The following PLXNA4 variants were observed in gnomAD, a reference collection of about 807,000 sequenced individuals.
The protein encoded by PLXNA4 is plexin A4.
In PLXNA4, 44 loss-of-function variants were observed where a neutral mutation model predicts 191.8. The ratio of observed to expected loss-of-function variants is 0.23; its 90% CI spans 0.18 to 0.29. PLXNA4 has a LOEUF of 0.29. PLXNA4 is among the 10% of genes least tolerant of loss of function. PLXNA4 has a pLI of 1.00. For synonymous variants in PLXNA4, 1,082 were observed against 1,009.5 expected (o/e 1.07, Z -1.36); for missense variants, 1,800 against 2,488.8 (o/e 0.72, Z 5.89).
At position 132,124,611 on chromosome 7, in the gene PLXNA4, G is replaced by C. The variant is rs1210349608; in HGVS notation, c.*5868C>G. 1 of 152,260 alleles carries C rather than the reference G, an allele frequency of 6.6e-6. No individual in the cohort carries two copies. The highest frequency in any genetic ancestry group is 2.4e-5 in the African/African-American group (1 of 41,474). The allele number at this position is 152,260 out of a possible 1,614,324, so 9.4% of individuals were successfully genotyped here. A position where few individuals can be genotyped will look rare whatever the true frequency, so the allele number is the denominator to read the frequency against. The stretch of plus-strand genomic sequence containing the variant: ...AAGTCTACTTGCTTTTGCAATCCTG[G>C]CGGAGGGAAAGCTTGGGTCTTCCCA... On this transcript the variant is annotated 3_prime_UTR_variant, in exon 32 of 32. Transcript: ENST00000321063.
chr7:132,301,796 T>C (rs1801315735), intron 3 of PLXNA4, among the ~76,000 whole-genome samples: 1 of 152,258 alleles, frequency 6.6e-6, no homozygotes, highest in Admixed American at 6.5e-5. Context: ...AATGATCCCT[T>C]ATATTTTTGC....
intron 5 of PLXNA4, among the ~76,000 whole-genome samples, chr7:132,234,779 G>C (rs1042156838): frequency 2.6e-5 from 4 of 152,120 alleles, no homozygotes; most frequent in African/African-American, 9.7e-5. Context: ...TTGGAACAGA[G>C]GCTGATAGCT....
intron 3 of PLXNA4, among the ~76,000 whole-genome samples, chr7:132,335,706 C>T (rs143227942): frequency 0.014 from 2,156 of 152,340 alleles, 28 homozygotes; most frequent in South Asian, 0.048. Flanking sequence ...CATGGCATCT[C>T]CATGCTCCTA....
At chr7:132,354,578 G>T in intron 3 of PLXNA4, among the ~76,000 whole-genome samples, 1 of 152,296 alleles carries the variant, frequency 6.6e-6, no homozygotes, top group East Asian at 1.9e-4. Context: ...CAGGCTTCTT[G>T]GTGAATGGCT....
chr7:132,540,809 G>A (rs1217561230), intron 1 of PLXNA4, among the ~76,000 whole-genome samples: 16 of 150,076 alleles, frequency 1.1e-4, no homozygotes, highest in African/African-American at 2.7e-4. Flanking sequence ...GGATGGTCTC[G>A]ATCTCCTGAC....
chr7:132,185,108 G>A (rs1349458224), intron 16 of PLXNA4, among the ~76,000 whole-genome samples, 191 bp downstream of exon 16: 1 of 152,166 alleles, frequency 6.6e-6, no homozygotes, highest in East Asian at 1.9e-4. Flanking sequence ...GGCTGGGTTT[G>A]GCACAGAGGT....
intron 16 of PLXNA4, among the ~76,000 whole-genome samples, chr7:132,183,434 T>C (rs1796777005): frequency 6.6e-6 from 1 of 152,198 alleles, no homozygotes; most frequent in Non-Finnish European, 1.5e-5. Context: ...TCAGACTTTA[T>C]TAACTTAAAT....
Position 132,508,868 on chromosome 7 carries a change from C to G in PLXNA4, c.-86-89G>C. The G allele has an allele frequency of 1.6e-6, 2 of 1,276,376 alleles. No individual in the cohort carries two copies. The highest frequency in any genetic ancestry group is 1.0e-6 in the Non-Finnish European group (1 of 957,880). 79.1% of individuals were successfully genotyped at this position (1,276,376 alleles called of 1,614,324 possible). ...TGTCTGCCTGGACTTTCAAAATGTT[C>G]TGCACACACTGAGCAGAACTGCACT... On this transcript the variant is annotated intron_variant, in intron 1 of 31. Transcript: ENST00000321063. The surrounding 1 kb of genome is among the most constrained non-coding windows in gnomAD (Gnocchi z 4.4).
intron 4 of PLXNA4, among the ~76,000 whole-genome samples, chr7:132,247,953 T>C (rs73157217): frequency 0.04 from 6,039 of 152,142 alleles, 181 homozygotes; most frequent in Non-Finnish European, 0.061. Flanking sequence ...GTATTATGAG[T>C]CCCAATTCTT....
intron 3 of PLXNA4, among the ~76,000 whole-genome samples, chr7:132,483,321 A>G (rs190473671): frequency 6.4e-4 from 98 of 152,302 alleles, no homozygotes; most frequent in African/African-American, 2.2e-3. Flanking sequence ...AGAGTCTAGC[A>G]GGTGTGAGCC....
chr7:132,531,575 C>T (rs1379323247), intron 1 of PLXNA4, among the ~76,000 whole-genome samples: 1 of 152,170 alleles, frequency 6.6e-6, no homozygotes, highest in Non-Finnish European at 1.5e-5. Context: ...AGACTTCACT[C>T]CAGACCTAAG....
chr7:132,344,453 T>C (rs1242972990), intron 3 of PLXNA4, among the ~76,000 whole-genome samples: 3 of 152,204 alleles, frequency 2.0e-5, no homozygotes, highest in Non-Finnish European at 4.4e-5. Context: ...TTAGGGTCTT[T>C]ACCCCTGCAG....
At chr7:132,455,451 A>T (rs893963940) in intron 3 of PLXNA4, among the ~76,000 whole-genome samples, 2 of 151,794 alleles carry the variant, frequency 1.3e-5, no homozygotes, top group African/African-American at 4.8e-5. Context: ...ACACACACAC[A>T]CACGCAGAGT....
chr7:132,595,018 T>TAGATAGATAGAC (rs1351375386), intron 2 of PLXNA4, among the ~76,000 whole-genome samples: 4 of 31,566 alleles, frequency 1.3e-4, no homozygotes, highest in Non-Finnish European at 4.5e-4. Context: ...GATAGATAGA[T>TAGATAGATAGAC]AGACAGACAG....
At chr7:132,635,508 T>G (rs1193646010) in intron 2 of PLXNA4, among the ~76,000 whole-genome samples, 1 of 152,072 alleles carries the variant, frequency 6.6e-6, no homozygotes, top group African/African-American at 2.4e-5. Flanking sequence ...AACCAAGAGA[T>G]AGAACACACG....
At position 132,191,958 on chromosome 7, in the gene PLXNA4, G is replaced by C. The variant is rs138421974; in HGVS notation, c.2856+2104C>G. On this transcript the variant is annotated intron_variant, in intron 14 of 31. Transcript: ENST00000321063. ...TCCCTCATGCTTTCAGGAGAAGGTG[G>C]TGGGTACAAATCCTAAACAAATAAG... 9.2e-5 allele frequency among the ~76,000 whole-genome samples: 14 copies of C among 152,192 alleles called. No homozygotes were observed. The East Asian group carries it at 2.7e-3, about 29-fold the overall frequency.
intron 3 of PLXNA4, among the ~76,000 whole-genome samples, chr7:132,386,054 T>C (rs529808127): frequency 5.6e-4 from 85 of 152,160 alleles, no homozygotes; most frequent in Admixed American, 1.2e-3. Flanking sequence ...TGATGTTCCA[T>C]AGAGCAGCGA....
intron 29 of PLXNA4, among the ~76,000 whole-genome samples, chr7:132,144,100 C>CT (rs1795352430): frequency 6.6e-6 from 1 of 152,202 alleles, no homozygotes; most frequent in South Asian, 2.1e-4. Context: ...TTTGCCCATC[C>CT]TAGCAGTTGT....
chr7:132,288,643 T>C (rs1355675644), intron 4 of PLXNA4, among the ~76,000 whole-genome samples: 1 of 152,146 alleles, frequency 6.6e-6, no homozygotes, highest in Non-Finnish European at 1.5e-5. Context: ...CTTGTCACCG[T>C]GTCAGCCATC....
Sources: allele counts gnomAD v4.1 joint callset (sites outside exome capture counted in the v4.1 genomes callset), GRCh38; gene constraint gnomAD v4.1.1; non-coding constraint Gnocchi (gnomAD v3.1); transcripts MANE v1.5; gene names NCBI Gene and HGNC (gene_info 2026-07-23, HGNC 2026-07-21).